Variants in GPAT4 observed in about 807,000 individuals in gnomAD.
The protein encoded by GPAT4 is 1-AGP acyltransferase 6.
GPAT4 carries 17 observed loss-of-function variants against 58.0 expected under a neutral mutation model. The ratio of observed to expected loss-of-function variants is 0.29; its 90% CI spans 0.20 to 0.44. The LOEUF (loss-of-function observed/expected upper bound fraction) is 0.44, where lower values mean the gene tolerates loss of function less well. Among genes scored for constraint, GPAT4 ranks in the 20% least tolerant of loss-of-function variants. The pLI is 1.00. For missense variants in GPAT4, 377 were observed against 574.5 expected, an observed-to-expected ratio of 0.66 and a Z score of 3.51; for synonymous variants, 204 against 210.1, an observed-to-expected ratio of 0.97 and a Z score of 0.25.
At chr8:41,578,834 CTTGT>C (rs1483870794) in intron 1 of GPAT4, among the ~76,000 whole-genome samples, 20 of 152,182 alleles carry the variant, frequency 1.3e-4, no homozygotes, top group Admixed American at 1.1e-3. Flanking sequence ...CCCAGTGGGG[CTTGT>C]TTATTTCCTC....
At chr8:41,600,057 A>G (rs1803044931) in intron 2 of GPAT4, among the ~76,000 whole-genome samples, 1 of 38,146 alleles carries the variant, frequency 2.6e-5, no homozygotes, top group Non-Finnish European at 5.2e-5. Flanking sequence ...TTTTTTTTCG[A>G]GACAAGAGTC....
chr8:41,582,335 A>G (rs929963921), intron 1 of GPAT4, among the ~76,000 whole-genome samples: 2 of 152,010 alleles, frequency 1.3e-5, no homozygotes, highest in Non-Finnish European at 2.9e-5. Context: ...GGACACATAG[A>G]CTAGACAGTA....
At chr8:41,591,897 T>A (rs1477213159) in intron 1 of GPAT4, among the ~76,000 whole-genome samples, 1 of 152,242 alleles carries the variant, frequency 6.6e-6, no homozygotes, top group Admixed American at 6.5e-5. Context: ...ATAGATAGCA[T>A]TTCTCATCTG....
In GPAT4 at chr8:41,609,493, G is replaced by C. The variant is rs370968019; in HGVS notation, c.235+8G>C. 4 of 1,614,010 alleles carry C rather than the reference G, an allele frequency of 2.5e-6. No individual in the cohort carries two copies. Among genetic ancestry groups the C allele is most frequent in the Admixed American group, 1.7e-5 (1 of 60,016 alleles). On this transcript the variant is annotated splice_region_variant and intron_variant, in intron 3 of 12. Coordinates refer to ENST00000396987, the MANE Select transcript of GPAT4 (RefSeq NM_178819.4). The stretch of plus-strand genomic sequence containing the variant: ...ACAAGCCCTACACCAACGGTAAGAT[G>C]GGGGTGTGATCCTTGTCCTGAGAGG...
At position 41,621,390 on chromosome 8, in the gene GPAT4, G is replaced by A. The variant is rs1377197594; in HGVS notation, c.*389G>A. On this transcript the variant is annotated 3_prime_UTR_variant, in exon 13 of 13. Coordinates refer to ENST00000396987, the MANE Select transcript of GPAT4 (RefSeq NM_178819.4). ...GTCTGTTATGCAAGCCCGTGTGCCA[G>A]GGATGTGCTGGGGGCGGCCACCCGC... The A allele has an allele frequency of 5.4e-6, 1 of 184,148 alleles. No individual in the cohort carries two copies. Among genetic ancestry groups the A allele is most frequent in the Non-Finnish European group, 1.1e-5 (1 of 88,088 alleles). The allele number at this position is 184,148 out of a possible 1,614,324, so 11.4% of individuals were successfully genotyped here.
chr8:41,593,673 G>C (rs946643153), intron 1 of GPAT4, among the ~76,000 whole-genome samples: 2 of 152,188 alleles, frequency 1.3e-5, no homozygotes, highest in African/African-American at 4.8e-5. Flanking sequence ...TCCTTCCCAG[G>C]CTGGCTCTAG....
intron 1 of GPAT4, among the ~76,000 whole-genome samples, chr8:41,590,066 G>A (rs959511126): frequency 6.6e-6 from 1 of 152,060 alleles, no homozygotes; most frequent in Non-Finnish European, 1.5e-5. Flanking sequence ...TGATAATGGA[G>A]TCCAGATCTT....
At chr8:41,596,665 G>A (rs893758676) in intron 1 of GPAT4, among the ~76,000 whole-genome samples, 1 of 152,236 alleles carries the variant, frequency 6.6e-6, no homozygotes, top group Non-Finnish European at 1.5e-5. Context: ...GCTGGTCTGA[G>A]TCCCCCGCAG....
intron 12 of GPAT4, 69 bp from the exon 13 acceptor site, chr8:41,620,824 A>G: frequency 6.5e-7 from 1 of 1,540,814 alleles, no homozygotes; most frequent in Non-Finnish European, 8.8e-7. Context: ...AGCATGGTGC[A>G]TCTCCCATGG....
intron 1 of GPAT4, among the ~76,000 whole-genome samples, chr8:41,596,654 G>T (rs1320663959): frequency 6.6e-6 from 1 of 152,220 alleles, no homozygotes; most frequent in African/African-American, 2.4e-5. Flanking sequence ...ACATTGCTCA[G>T]GCTGGTCTGA....
At chr8:41,590,543 T>A (rs1802762700) in intron 1 of GPAT4, among the ~76,000 whole-genome samples, 1 of 152,182 alleles carries the variant, frequency 6.6e-6, no homozygotes, top group Non-Finnish European at 1.5e-5. Flanking sequence ...TCCTCACCTG[T>A]AGATCAGGAT....
In GPAT4 at chr8:41,603,170, G is replaced by A. The variant is rs184053802; in HGVS notation, c.165+3866G>A. 5.1e-4 allele frequency among the ~76,000 whole-genome samples: 78 copies of A among 152,242 alleles called. 1 individual carries two copies. Among genetic ancestry groups the A allele is most frequent in the Middle Eastern group, 3.4e-3 (1 of 294 alleles). ...AGAGCCGGAAGAAAGTTCAGAGATC[G>A]TCTTCATTTTGCCGTTCTCCCTCCT... On this transcript the variant is annotated intron_variant, in intron 2 of 12. Coordinates refer to ENST00000396987, the MANE Select transcript of GPAT4 (RefSeq NM_178819.4).
chr8:41,605,943 G>A (rs561111652), intron 2 of GPAT4, among the ~76,000 whole-genome samples: 16 of 152,276 alleles, frequency 1.1e-4, no homozygotes, highest in African/African-American at 3.6e-4. Flanking sequence ...GGAAGCAAGA[G>A]GGAAGCAATT....
intron 1 of GPAT4, among the ~76,000 whole-genome samples, chr8:41,581,993 ATTTTTTTTTTT>A (rs71230849): frequency 3.9e-4 from 25 of 63,608 alleles, no homozygotes; most frequent in South Asian, 2.2e-3. Context: ...AAGTTCAATG[ATTTTTTTTTTT>A]TTTTTTTTTT....
intron 2 of GPAT4, 80 bp downstream of exon 2, chr8:41,599,384 ATTATCTCTTT>A: frequency 6.6e-7 from 1 of 1,509,278 alleles, no homozygotes; most frequent in Non-Finnish European, 9.0e-7. Context: ...TTACAGGCCT[ATTATCTCTTT>A]ATTAGATAGG....
At chr8:41,589,940 G>A (rs1307411300) in intron 1 of GPAT4, among the ~76,000 whole-genome samples, 1 of 152,192 alleles carries the variant, frequency 6.6e-6, no homozygotes, top group African/African-American at 2.4e-5. Flanking sequence ...GAGAACTTCG[G>A]TAACTCAGGT....
chr8:41,600,763 C>T (rs1033111291), intron 2 of GPAT4, among the ~76,000 whole-genome samples: 6 of 152,174 alleles, frequency 3.9e-5, no homozygotes, highest in African/African-American at 1.2e-4. Flanking sequence ...CTCCCCATTC[C>T]TCCCTCCGCC....
intron 7 of GPAT4, 45 bp from the exon 8 acceptor site, chr8:41,612,800 T>C: frequency 1.3e-6 from 2 of 1,526,834 alleles, no homozygotes; most frequent in East Asian, 2.3e-5. Context: ...GGGAGATTCG[T>C]GTGAAGATGG....
At position 41,622,018 on chromosome 8, in the gene GPAT4, G is replaced by C. The variant is rs533515598; in HGVS notation, c.*1017G>C. The C allele has an allele frequency of 1.3e-5, 2 of 152,170 alleles. No homozygotes were observed. Among genetic ancestry groups the C allele is most frequent in the Non-Finnish European group, 2.9e-5 (2 of 68,042 alleles). The allele number at this position is 152,170 out of a possible 1,614,324, so 9.4% of individuals were successfully genotyped here. On this transcript the variant is annotated 3_prime_UTR_variant, in exon 13 of 13. Coordinates refer to ENST00000396987, the MANE Select transcript of GPAT4 (RefSeq NM_178819.4). ...TCTGGGAGCATGGCCCTGGGGCTGCGGAGAAGCCAACTGACTGCTGGAGCG... is the reference window on the plus strand; with the variant it reads ...TCTGGGAGCATGGCCCTGGGGCTGCCGAGAAGCCAACTGACTGCTGGAGCG...
Sources: gnomAD v4.1 joint callset for allele counts (sites outside exome capture counted in the v4.1 genomes callset) on GRCh38, gnomAD v4.1.1 for gene constraint, MANE v1.5 for transcripts, NCBI Gene and HGNC (gene_info 2026-07-23, HGNC 2026-07-21) for gene names.